Variants in ATL3 observed in about 807,000 individuals in gnomAD.
ATL3 encodes the protein atlastin GTPase 3, also known as atlastin-3.
A neutral mutation model predicts 69.5 loss-of-function variants in ATL3; 49 were observed. That is an observed-to-expected ratio of 0.71 (90% CI 0.56 to 0.89). The LOEUF (loss-of-function observed/expected upper bound fraction) is 0.89, where lower values mean the gene tolerates loss of function less well. Ranked by LOEUF, ATL3 falls within the 40% of genes least tolerant of loss-of-function variation. The pLI, the probability that ATL3 is intolerant of heterozygous loss-of-function variation, is 0.00. For synonymous variants in ATL3, 214 were observed against 224.1 expected, an observed-to-expected ratio of 0.95 and a Z score of 0.40; for missense variants, 606 against 645.7, an observed-to-expected ratio of 0.94 and a Z score of 0.67.
chr11:63,632,779 T>G, intron 11 of ATL3: 2 of 850,812 alleles, frequency 2.4e-6, no homozygotes, highest in Non-Finnish European at 3.9e-6. Flanking sequence ...AATTTATTAC[T>G]CCCATTGAAA....
At chr11:63,671,086 G>A (rs1940757306) in intron 1 of ATL3, among the ~76,000 whole-genome samples, 1 of 152,214 alleles carries the variant, frequency 6.6e-6, no homozygotes, top group Non-Finnish European at 1.5e-5. Context: ...AGTAAGGAAG[G>A]TGCCGCCCTC....
At chr11:63,647,770 A>G (rs1210725943) in intron 5 of ATL3, among the ~76,000 whole-genome samples, 1 of 152,258 alleles carries the variant, frequency 6.6e-6, no homozygotes, top group African/African-American at 2.4e-5. Flanking sequence ...AAACTTTAAA[A>G]GTAAATAAAT....
At chr11:63,654,329 T>C (rs1043831742) in intron 3 of ATL3, among the ~76,000 whole-genome samples, 1 of 151,874 alleles carries the variant, frequency 6.6e-6, no homozygotes, top group Admixed American at 6.6e-5. Flanking sequence ...GTATTTTTAG[T>C]AGAGACGGGG....
intron 10 of ATL3, among the ~76,000 whole-genome samples, chr11:63,634,322 C>T (rs1213503281): frequency 6.6e-6 from 1 of 151,436 alleles, no homozygotes; most frequent in African/African-American, 2.4e-5. Flanking sequence ...CTGGCTAACA[C>T]GGTGAAACCC....
At chr11:63,636,364 A>G in intron 8 of ATL3, 30 bp from the exon 9 acceptor site, 1 of 1,613,650 alleles carries the variant, frequency 6.2e-7, no homozygotes, top group East Asian at 2.2e-5. Context: ...GAAGGGAAAA[A>G]TAAGCCAAAC....
At chr11:63,657,576 TG>T (rs1342611881) in intron 3 of ATL3, among the ~76,000 whole-genome samples, 1 of 152,192 alleles carries the variant, frequency 6.6e-6, no homozygotes, top group Non-Finnish European at 1.5e-5. Flanking sequence ...AAGTGAAAAC[TG>T]GGTAGAGAGG....
At chr11:63,629,605 G>C (rs920234234) in intron 12 of ATL3, among the ~76,000 whole-genome samples, 200 bp from the exon 13 acceptor site, 1 of 152,216 alleles carries the variant, frequency 6.6e-6, no homozygotes, top group African/African-American at 2.4e-5. Flanking sequence ...TCTGTGGCTA[G>C]GGTAGGATAG....
Position 63,625,300 on chromosome 11 carries a change from T to C in ATL3, c.*4019A>G, listed in dbSNP as rs1340450376. ...TGTAAGCCAGAATGACACAGCCATG[T>C]TGACAACTTGAGATGGAAGATCAAA... is the stretch of plus-strand genomic sequence containing the variant. On this transcript the variant is annotated 3_prime_UTR_variant, in exon 13 of 13. Coordinates refer to ENST00000398868, the MANE Select transcript of ATL3 (RefSeq NM_015459.5). 6.6e-6 allele frequency: 1 copy of C among 152,220 alleles called. No individual in the cohort carries two copies. Among genetic ancestry groups the C allele is most frequent in the East Asian group, 1.9e-4 (1 of 5,200 alleles). The allele number at this position is 152,220 out of a possible 1,614,324, so 9.4% of individuals were successfully genotyped here.
At chr11:63,662,737 C>A (rs1308789487) in intron 1 of ATL3, among the ~76,000 whole-genome samples, 1 of 152,174 alleles carries the variant, frequency 6.6e-6, no homozygotes, top group African/African-American at 2.4e-5. Flanking sequence ...TCTCAACCTC[C>A]CAAAGTGTTG....
At chr11:63,655,761 A>C (rs983563148) in intron 3 of ATL3, among the ~76,000 whole-genome samples, 3 of 152,066 alleles carry the variant, frequency 2.0e-5, no homozygotes, top group Non-Finnish European at 2.9e-5. Flanking sequence ...TTTTAAATGA[A>C]CATCTTGTGG....
chr11:63,669,874 G>A (rs2134551386), intron 1 of ATL3, among the ~76,000 whole-genome samples: 1 of 152,296 alleles, frequency 6.6e-6, no homozygotes, highest in East Asian at 1.9e-4. Flanking sequence ...TTTGAACCCA[G>A]GAGGCGGAGG....
intron 1 of ATL3, among the ~76,000 whole-genome samples, chr11:63,663,162 A>C (rs1310014756): frequency 6.6e-6 from 1 of 151,934 alleles, no homozygotes; most frequent in Non-Finnish European, 1.5e-5. Context: ...TCTGGCACAC[A>C]GGCTGGAATG....
At chr11:63,644,032 G>A (rs986070945) in intron 7 of ATL3, 137 bp downstream of exon 7, 5 of 614,408 alleles carry the variant, frequency 8.1e-6, no homozygotes, top group Non-Finnish European at 1.4e-5. Context: ...ATAAATATTA[G>A]CTTGTGTTAA....
intron 8 of ATL3, among the ~76,000 whole-genome samples, chr11:63,638,490 A>G (rs1939591937): frequency 6.6e-6 from 1 of 152,212 alleles, no homozygotes; most frequent in Non-Finnish European, 1.5e-5. Context: ...AGATTGCTTG[A>G]GGCCAGGAGT....
chr11:63,662,954 G>C (rs572843597), intron 1 of ATL3, among the ~76,000 whole-genome samples: 1 of 152,280 alleles, frequency 6.6e-6, no homozygotes, highest in South Asian at 2.1e-4. Context: ...AAATCACAAA[G>C]ATGGTTCCAA....
At chr11:63,665,685 T>TCGAG (rs928832697) in intron 1 of ATL3, among the ~76,000 whole-genome samples, 5 of 152,044 alleles carry the variant, frequency 3.3e-5, no homozygotes, top group Non-Finnish European at 7.4e-5. Context: ...GATCAGGAGT[T>TCGAG]CGAGACCAGC....
Position 63,629,321 on chromosome 11 carries a change from A to G in ATL3, c.1624T>C (p.Ter542GlnextTer58). 1.2e-6 allele frequency: 2 copies of G among 1,613,392 alleles called. No homozygotes were observed. The highest frequency in any genetic ancestry group is 1.7e-6 in the Non-Finnish European group (2 of 1,179,328). Residue 542 changes from the stop codon to glutamine (Q), a stop_lost, in exon 13 of 13, where the codon TAG becomes CAG. Transcript: ENST00000398868. ...TGTTTGATCTTCACGTTAAGATGCTATTGAGCTTTTTTATCCATGGATGGT... is the reference window on the plus strand; with the variant it reads ...TGTTTGATCTTCACGTTAAGATGCTGTTGAGCTTTTTTATCCATGGATGGT... The part of the protein sequence containing the change: ...GRPSMDKKAQ[*>Q]
chr11:63,650,193 C>T (rs997775822), intron 5 of ATL3, among the ~76,000 whole-genome samples: 2 of 152,148 alleles, frequency 1.3e-5, no homozygotes, highest in Non-Finnish European at 2.9e-5. Context: ...TTATAACACA[C>T]CGCAGTATCT....
At chr11:63,671,613 G>A, upstream of ATL3, 1 of 1,426,462 alleles carries the variant, frequency 7.0e-7, no homozygotes, top group Non-Finnish European at 9.2e-7. Context: ...TGCCGCGTGT[G>A]CGCGAAGCGA....
Sources: allele counts gnomAD v4.1 joint callset (sites outside exome capture counted in the v4.1 genomes callset), GRCh38; gene constraint gnomAD v4.1.1; transcripts MANE v1.5; gene names NCBI Gene and HGNC (gene_info 2026-07-23, HGNC 2026-07-21).